The following NLRP7 variants were observed in gnomAD, a reference collection of about 807,000 sequenced individuals.
NLRP7 encodes NACHT, LRR and PYD domains-containing protein 7.
Under a neutral mutation model 85.5 loss-of-function variants are expected in NLRP7, and 72 were observed. That is an observed-to-expected ratio of 0.84 (90% CI 0.70 to 1.02). The LOEUF is 1.02. Among genes scored for constraint, NLRP7 ranks in the 50% least tolerant of loss-of-function variants. The pLI is 0.00. For missense variants in NLRP7, 1,243 were observed against 1,219.5 expected (o/e 1.02, Z -0.29); for synonymous variants, 550 against 505.2 (o/e 1.09, Z -1.19).
chr19:54,959,356 C>G (rs1363354555), intron 1 of NLRP7, among the ~76,000 whole-genome samples: 2 of 150,910 alleles, frequency 1.3e-5, no homozygotes, highest in African/African-American at 2.4e-5. Context: ...CCAGGCTGGT[C>G]TCAAACTCCT....
exon 10 of NLRP7, chr19:54,923,645 AGT>A: frequency 7.4e-7 from 1 of 1,357,536 alleles, no homozygotes; most frequent in Non-Finnish European, 1.0e-6. Flanking sequence ...GACAGACTCT[AGT>A]GTTAACATGT....
At chr19:54,954,706 C>T (rs1002366303) in intron 1 of NLRP7, among the ~76,000 whole-genome samples, 2 of 151,058 alleles carry the variant, frequency 1.3e-5, no homozygotes, top group African/African-American at 2.4e-5. Context: ...ATTAGCCAGA[C>T]GTGATGGCAG....
At chr19:54,951,534 AGAGT>A (rs919590311), upstream of NLRP7, among the ~76,000 whole-genome samples, 47 of 152,282 alleles carry the variant, frequency 3.1e-4, no homozygotes, top group African/African-American at 1.1e-3. Flanking sequence ...TGGGTGCAAC[AGAGT>A]GAGACTCCAT....
chr19:54,951,123 GGTCATA>G (rs2146265465), upstream of NLRP7, among the ~76,000 whole-genome samples: 1 of 152,326 alleles, frequency 6.6e-6, no homozygotes, highest in African/African-American at 2.4e-5. Context: ...TTGGGGGTAA[GGTCATA>G]GATTAACAGC....
At chr19:54,955,450 C>T (rs1291613984) in intron 1 of NLRP7, among the ~76,000 whole-genome samples, 1 of 152,212 alleles carries the variant, frequency 6.6e-6, no homozygotes, top group Non-Finnish European at 1.5e-5. Flanking sequence ...AGGTGGATTG[C>T]TTGAGTTCAA....
intron 1 of NLRP7, 27 bp downstream of exon 1, chr19:54,947,438 CAAAG>C: frequency 3.9e-6 from 5 of 1,286,706 alleles, no homozygotes; most frequent in Non-Finnish European, 4.1e-6. Flanking sequence ...AACGAGAAGA[CAAAG>C]AAATCGATGC....
At chr19:54,933,969 G>T (rs1274365337) in intron 7 of NLRP7, among the ~76,000 whole-genome samples, 1 of 152,198 alleles carries the variant, frequency 6.6e-6, no homozygotes, top group African/African-American at 2.4e-5. Flanking sequence ...TTGAGACGGA[G>T]TCTCGCTCTG....
At chr19:54,940,277 C>G in exon 4 of NLRP7, 1 of 1,614,152 alleles carries the variant, frequency 6.2e-7, no homozygotes, top group Non-Finnish European at 8.5e-7. Flanking sequence ...TTTCCCCACG[C>G]CTGCGGGGCC....
intron 6 of NLRP7, 86 bp downstream of exon 6, chr19:54,936,175 G>C: frequency 8.3e-7 from 1 of 1,198,864 alleles, no homozygotes; most frequent in Non-Finnish European, 1.2e-6. Flanking sequence ...ACGGCATCTG[G>C]AGTGGTTACC....
At chr19:54,933,402 C>G in intron 8 of NLRP7, among the ~76,000 whole-genome samples, 167 bp downstream of exon 8, 1 of 152,208 alleles carries the variant, frequency 6.6e-6, no homozygotes, top group East Asian at 1.9e-4. Context: ...GCCTCGGCCT[C>G]CCAAAGTGCT....
At chr19:54,941,848 T>A in intron 1 of NLRP7, 98 bp from the exon 2 acceptor site, 1 of 907,202 alleles carries the variant, frequency 1.1e-6, no homozygotes, top group Non-Finnish European at 1.6e-6. Flanking sequence ...TGCTGTACAG[T>A]GAGTGGTAAA....
At chr19:54,939,617 C>T (rs750758936) in exon 4 of NLRP7, 11 of 1,610,640 alleles carry the variant, frequency 6.8e-6, no homozygotes, top group Admixed American at 1.7e-5. Context: ...CTGCGGGAAC[C>T]GGCTGCAGAG....
In NLRP7 at chr19:54,938,964, TC is replaced by T. The variant is rs749049980; in HGVS notation, c.1854del (p.Lys619AsnfsTer6). 1 of 1,613,840 alleles carries T rather than the reference TC, an allele frequency of 6.2e-7. No homozygotes were observed. Among genetic ancestry groups the T allele is most frequent in the Non-Finnish European group, 8.5e-7 (1 of 1,179,684 alleles). ...CCCTTTGCTACCTGCAGTGAGAGTT[TC>T]TGCAAGTCTTGACAATGCTTCAGGC... On this transcript the variant is annotated frameshift_variant, in exon 4 of 10. Transcript: ENST00000340844. LOFTEE classifies it high-confidence loss of function.
At chr19:54,962,687 C>T (rs1004689738) in intron 1 of NLRP7, among the ~76,000 whole-genome samples, 7 of 151,618 alleles carry the variant, frequency 4.6e-5, no homozygotes, top group African/African-American at 1.5e-4. Context: ...GCAAGCTCCG[C>T]CTCCCGGGTT....
intron 6 of NLRP7, among the ~76,000 whole-genome samples, chr19:54,935,563 G>A (rs1187922367): frequency 6.8e-6 from 1 of 147,316 alleles, no homozygotes; most frequent in Non-Finnish European, 1.5e-5. Flanking sequence ...AGGCGTGGTG[G>A]TGCACGCCTG....
intron 1 of NLRP7, among the ~76,000 whole-genome samples, chr19:54,955,766 G>A (rs1316630930): frequency 1.3e-5 from 2 of 151,766 alleles, no homozygotes; most frequent in Admixed American, 6.6e-5. Flanking sequence ...CAGCCTGGGC[G>A]ACACAGCAAG....
At chr19:54,961,330 G>A (rs922227619) in intron 1 of NLRP7, among the ~76,000 whole-genome samples, 8 of 151,848 alleles carry the variant, frequency 5.3e-5, no homozygotes, top group African/African-American at 1.9e-4. Flanking sequence ...GGCCAAGGTG[G>A]TGAAACCCCG....
chr19:54,964,455 A>T (rs866674808), intron 1 of NLRP7, among the ~76,000 whole-genome samples: 1,909 of 150,282 alleles, frequency 0.013, no homozygotes, highest in Middle Eastern at 0.038. Context: ...TGACCTCGTG[A>T]TCCACCTGCC....
intron 9 of NLRP7, among the ~76,000 whole-genome samples, chr19:54,926,775 G>A (rs973365303): frequency 2.6e-5 from 4 of 151,928 alleles, no homozygotes; most frequent in Admixed American, 6.6e-5. Context: ...AATTAGCTGG[G>A]TGTGGTGGCG....
Sources: gnomAD v4.1 joint callset for allele counts (sites outside exome capture counted in the v4.1 genomes callset) on GRCh38, gnomAD v4.1.1 for gene constraint, MANE v1.5 for transcripts, NCBI Gene and HGNC (gene_info 2026-07-23, HGNC 2026-07-21) for gene names.